The following CSF1 variants were observed in gnomAD, a reference collection of about 807,000 sequenced individuals.
CSF1 encodes colony stimulating factor 1, also known as macrophage colony-stimulating factor 1.
CSF1 carries 9 observed loss-of-function variants against 48.9 expected under a neutral mutation model. The observed-to-expected ratio is 0.18, with a 90% confidence interval of 0.11 to 0.32. The LOEUF (loss-of-function observed/expected upper bound fraction) is 0.32. Among genes scored for constraint, CSF1 ranks in the 10% least tolerant of loss-of-function variants. The probability of loss-of-function intolerance (pLI) is 1.00; values close to 1 mark genes in which losing one functional copy is unlikely to be tolerated. For synonymous variants in CSF1, 305 were observed against 284.1 expected (o/e 1.07, Z -0.74); for missense variants, 672 against 697.9 (o/e 0.96, Z 0.42).
rs750913335 is a variant in CSF1 at position 109,923,255 on chromosome 1, G to T, written c.634G>T (p.Ala212Ser). 6.2e-7 allele frequency: 1 copy of T among 1,605,542 alleles called. No homozygotes were observed. The highest frequency in any genetic ancestry group is 8.5e-7 in the Non-Finnish European group (1 of 1,175,760). The change falls in exon 6 of 9, where the codon GCC becomes TCC. Residue 212 changes from alanine (A) to serine (S), a missense_variant. By Grantham distance (99) the Ala-to-Ser change is moderately conservative. This residue lies in a region of CSF1 where 591 missense variants were observed against 593.6 expected (regional missense o/e 1.00). Transcript: ENST00000329608. ...PASVSPHQPLAPSMAPVAGLT... is the reference protein window; with the variant it reads ...PASVSPHQPLSPSMAPVAGLT... ...CTCTGTCTCCCCTCATCAGCCCCTC[G>T]CCCCCTCCATGGCCCCTGTGGCTGG...
intron 1 of CSF1, among the ~76,000 whole-genome samples, chr1:109,911,677 C>T (rs1053974415): frequency 7.2e-5 from 11 of 152,206 alleles, no homozygotes; most frequent in African/African-American, 2.7e-4. Context: ...CGGCAAACAG[C>T]CCCCCACCCC....
chr1:109,927,362 G>A (rs919230690), intron 8 of CSF1, among the ~76,000 whole-genome samples: 2 of 152,174 alleles, frequency 1.3e-5, no homozygotes, highest in African/African-American at 4.8e-5. Context: ...GGAATCCTGG[G>A]GTCTACCTTG....
In CSF1 at chr1:109,929,987, G is replaced by A. The variant is rs957666174; in HGVS notation, c.*1149G>A. On this transcript the variant is annotated 3_prime_UTR_variant, in exon 9 of 9. Coordinates refer to ENST00000329608, the MANE Select transcript of CSF1 (RefSeq NM_000757.6). ...CACAGACAGAGAGGCTACAGGGCGA[G>A]CTCTGACTGAAGATGGGCCTTTGAA... is the stretch of plus-strand genomic sequence containing the variant. The A allele has an allele frequency of 6.6e-6, 1 of 152,514 alleles. No homozygotes were observed. 9.4% of individuals were successfully genotyped at this position (152,514 alleles called of 1,614,324 possible).
chr1:109,919,873 C>T (rs745710807), intron 4 of CSF1, among the ~76,000 whole-genome samples: 6 of 151,826 alleles, frequency 4.0e-5, no homozygotes, highest in Non-Finnish European at 5.9e-5. Flanking sequence ...GCAGTAGAAT[C>T]GCTTGACCCA....
At chr1:109,921,699 T>C (rs911089158) in intron 4 of CSF1, 148 bp from the exon 5 acceptor site, 2 of 980,434 alleles carry the variant, frequency 2.0e-6, no homozygotes, top group African/African-American at 3.3e-5. Flanking sequence ...TCAGGACTCA[T>C]TCTGCTGCAA....
chr1:109,924,795 G>C lies in CSF1; in HGVS notation c.1589G>C (p.Arg530Thr). The C allele has an allele frequency of 6.2e-7, 1 of 1,601,058 alleles. No homozygotes were observed. The highest frequency in any genetic ancestry group is 1.1e-5 in the South Asian group (1 of 88,578). Reference protein sequence around the residue: ...WRRRSHQEPQRADSPLEQPEG... With the variant: ...WRRRSHQEPQTADSPLEQPEG... Reference sequence around the variant, plus strand: ...CCTCAGAGCCATCAAGAGCCTCAGAGAGCGGATTCTCCCTTGGAGCAACCA... The same window carrying C: ...CCTCAGAGCCATCAAGAGCCTCAGACAGCGGATTCTCCCTTGGAGCAACCA... The change falls in exon 7 of 9, where the codon AGA becomes ACA. Residue 530 changes from arginine to threonine, a missense_variant. Coordinates refer to ENST00000329608, the MANE Select transcript of CSF1 (RefSeq NM_000757.6).
chr1:109,923,444 G>C lies in CSF1; in HGVS notation c.823G>C (p.Gly275Arg). 6.2e-7 allele frequency: 1 copy of C among 1,614,056 alleles called. No individual in the cohort carries two copies. The highest frequency in any genetic ancestry group is 2.2e-5 in the East Asian group (1 of 44,868). The change falls in exon 6 of 9, where the codon GGT (glycine) becomes CGT (arginine). Residue 275 changes from glycine to arginine, a missense_variant. Gly to Arg is a moderately radical substitution (Grantham distance 125, BLOSUM62 -2). Transcript: ENST00000329608. ...CCCAGTTGTCAAGGACAGCACCATC[G>C]GTGGCTCACCACAGCCTCGCCCCTC... ...ETPVVKDSTI[G>R]GSPQPRPSVG...
At position 109,930,314 on chromosome 1, in the gene CSF1, A is replaced by G. The variant is rs1322870238; in HGVS notation, c.*1476A>G. On this transcript the variant is annotated 3_prime_UTR_variant, in exon 9 of 9. Coordinates refer to ENST00000329608, the MANE Select transcript of CSF1 (RefSeq NM_000757.6). Reference sequence around the variant, plus strand: ...TCAGGAGAGCCAGGCCTCAGCTTCCAATGCCTGGAGGGCCTCCACTTTGTG... The same window carrying G: ...TCAGGAGAGCCAGGCCTCAGCTTCCGATGCCTGGAGGGCCTCCACTTTGTG... 2 of 152,258 alleles carry G rather than the reference A, an allele frequency of 1.3e-5. No homozygotes were observed. Among genetic ancestry groups the G allele is most frequent in the Non-Finnish European group, 2.9e-5 (2 of 68,086 alleles). 9.4% of individuals were successfully genotyped at this position (152,258 alleles called of 1,614,324 possible). A position where few individuals can be genotyped will look rare whatever the true frequency, so the allele number is the denominator to read the frequency against.
chr1:109,913,443 G>A (rs1206763471), intron 1 of CSF1, among the ~76,000 whole-genome samples: 1 of 152,216 alleles, frequency 6.6e-6, no homozygotes, highest in Admixed American at 6.5e-5. Flanking sequence ...GAGGAAGGAA[G>A]GGGAAAGACA....
At chr1:109,913,553 A>G (rs1183927917) in intron 1 of CSF1, among the ~76,000 whole-genome samples, 4 of 152,238 alleles carry the variant, frequency 2.6e-5, no homozygotes, top group Admixed American at 6.5e-5. Context: ...CTCTGCCATG[A>G]TAAGAGGTGG....
At chr1:109,910,525 G>A, upstream of CSF1, 1 of 383,522 alleles carries the variant, frequency 2.6e-6, no homozygotes, top group Non-Finnish European at 5.5e-6. Flanking sequence ...TGGAGAGCGC[G>A]GAAGGAAAGG....
In CSF1 at chr1:109,925,212, T is replaced by C. The variant is rs1474250926; in HGVS notation, c.*13+10T>C. On this transcript the variant is annotated intron_variant, in intron 8 of 8. Coordinates refer to ENST00000329608, the MANE Select transcript of CSF1 (RefSeq NM_000757.6). ...TAGAGGGAATTCTAAGGTAAGATTC[T>C]GACTTTGATCTCCACTCCTAAAACT... The C allele has an allele frequency of 6.2e-7, 1 of 1,612,710 alleles. No homozygotes were observed. The highest frequency in any genetic ancestry group is 8.5e-7 in the Non-Finnish European group (1 of 1,178,806).
At chr1:109,911,104 C>T (rs1282814644) in intron 1 of CSF1, 42 bp downstream of exon 1, 14 of 1,002,750 alleles carry the variant, frequency 1.4e-5, no homozygotes, top group Middle Eastern at 4.9e-4. Context: ...CGGGCTGGGG[C>T]GGGGGCTCGG....
intron 3 of CSF1, 127 bp from the exon 4 acceptor site, chr1:109,917,166 T>A (rs1001274049): frequency 1.1e-5 from 10 of 935,444 alleles, no homozygotes; most frequent in African/African-American, 1.7e-5. Context: ...TTCTCCTAGT[T>A]GCTGGCATGG....
chr1:109,911,868 G>T (rs2101637373), intron 1 of CSF1, among the ~76,000 whole-genome samples: 1 of 152,350 alleles, frequency 6.6e-6, no homozygotes, highest in East Asian at 1.9e-4. Flanking sequence ...CTGCGTAAGG[G>T]ACGCCCTGCC....
intron 4 of CSF1, among the ~76,000 whole-genome samples, chr1:109,918,179 A>C (rs1425766620): frequency 6.6e-6 from 1 of 152,230 alleles, no homozygotes; most frequent in African/African-American, 2.4e-5. Context: ...CTAGAAGAAC[A>C]TTCTGGAACA....
chr1:109,911,617 C>G (rs1416973716), intron 1 of CSF1, among the ~76,000 whole-genome samples: 1 of 147,988 alleles, frequency 6.8e-6, no homozygotes. Context: ...GCAGGAGCTA[C>G]GGAGGACTTG....
In CSF1 at chr1:109,923,432, G is replaced by T. The variant is rs1390564522; in HGVS notation, c.811G>T (p.Asp271Tyr). The change falls in exon 6 of 9, where the codon GAC becomes TAC. Residue 271 changes from aspartate to tyrosine, a missense_variant. Around this residue, in one of 3 missense-constraint regions of CSF1, gnomAD observed 591 missense variants for 593.6 expected, o/e 1.00. Coordinates refer to ENST00000329608, the MANE Select transcript of CSF1 (RefSeq NM_000757.6). The part of the protein sequence containing the change: ...FEPPETPVVK[D>Y]STIGGSPQPR... ...GCCGCCAGAGACCCCAGTTGTCAAG[G>T]ACAGCACCATCGGTGGCTCACCACA... 1.2e-6 allele frequency: 2 copies of T among 1,613,982 alleles called. No individual in the cohort carries two copies. Among genetic ancestry groups the T allele is most frequent in the Admixed American group, 3.3e-5 (2 of 60,002 alleles).
chr1:109,924,860 C>T, intron 7 of CSF1, 32 bp downstream of exon 7: 1 of 1,594,640 alleles, frequency 6.3e-7, no homozygotes. Flanking sequence ...CTGGGAGGCA[C>T]TGGGGGCCTG....
Sources: allele counts gnomAD v4.1 joint callset (sites outside exome capture counted in the v4.1 genomes callset), GRCh38; gene constraint gnomAD v4.1.1; regional missense constraint gnomAD v4.1.1; transcripts MANE v1.5; gene names NCBI Gene and HGNC (gene_info 2026-07-23, HGNC 2026-07-21).